The following CUX1 variants were observed in gnomAD, a reference collection of about 807,000 sequenced individuals.
CUX1 encodes the protein protein CASP.
CUX1 carries 31 observed loss-of-function variants against 158.8 expected under a neutral mutation model. That is an observed-to-expected ratio of 0.20 (90% CI 0.15 to 0.26). The LOEUF (loss-of-function observed/expected upper bound fraction) is 0.26. Among genes scored for constraint, CUX1 ranks in the 10% least tolerant of loss-of-function variants. The pLI, the probability that CUX1 is intolerant of heterozygous loss-of-function variation, is 1.00. For synonymous variants in CUX1, 879 were observed against 862.1 expected (o/e 1.02, Z -0.34); for missense variants, 1,589 against 2,014.6 (o/e 0.79, Z 4.04).
intron 1 of CUX1, among the ~76,000 whole-genome samples, chr7:101,851,673 T>C (rs961935778): frequency 6.6e-6 from 1 of 152,140 alleles, no homozygotes; most frequent in Admixed American, 6.5e-5. Context: ...AGAGTTGTCT[T>C]TTTCTTCTTC....
chr7:101,832,085 G>A (rs1794103569), intron 1 of CUX1, among the ~76,000 whole-genome samples: 1 of 152,086 alleles, frequency 6.6e-6, no homozygotes. Flanking sequence ...CAGTTGTTGG[G>A]GTGTGTCTTA....
chr7:102,082,747 C>T (rs1182655548), intron 4 of CUX1, among the ~76,000 whole-genome samples: 2 of 147,030 alleles, frequency 1.4e-5, no homozygotes, highest in African/African-American at 4.9e-5. Flanking sequence ...TCACTCAGCG[C>T]GGTGTTTTGG....
chr7:102,189,258 TCTC>T (rs1331950626), intron 11 of CUX1, among the ~76,000 whole-genome samples: 2 of 151,636 alleles, frequency 1.3e-5, no homozygotes, highest in Non-Finnish European at 2.9e-5. Context: ...CAGGAAAGCC[TCTC>T]CTCCTGTCCT....
At chr7:102,003,295 A>AACACACACACACACACACAC (rs56760446) in intron 2 of CUX1, among the ~76,000 whole-genome samples, 103 of 131,970 alleles carry the variant, frequency 7.8e-4, no homozygotes, top group African/African-American at 2.1e-3. Context: ...CCTGGTGCCG[A>AACACACACACACACACACAC]ACACACACAC....
chr7:102,155,055 C>G (rs1438166538), intron 8 of CUX1, among the ~76,000 whole-genome samples: 1 of 152,158 alleles, frequency 6.6e-6, no homozygotes, highest in African/African-American at 2.4e-5. Flanking sequence ...AAATCTATGA[C>G]ATAGATGAGA....
At chr7:101,884,731 A>T (rs565206517) in intron 1 of CUX1, among the ~76,000 whole-genome samples, 17 of 152,310 alleles carry the variant, frequency 1.1e-4, no homozygotes, top group Admixed American at 9.1e-4. Context: ...TAGAACATTG[A>T]CTTTAGCATA....
chr7:101,818,190 A>G (rs766144441), intron 1 of CUX1, among the ~76,000 whole-genome samples: 2 of 152,262 alleles, frequency 1.3e-5, no homozygotes, highest in Non-Finnish European at 2.9e-5. Flanking sequence ...CAAAGTGTCT[A>G]TTGTGTAAAT....
At chr7:101,847,061 T>C (rs373411377) in intron 1 of CUX1, among the ~76,000 whole-genome samples, 1 of 152,170 alleles carries the variant, frequency 6.6e-6, no homozygotes, top group Non-Finnish European at 1.5e-5. Context: ...GGAGGATCGC[T>C]GGAGCCCAGG....
chr7:102,138,925 C>G (rs1834166813), intron 8 of CUX1, among the ~76,000 whole-genome samples: 1 of 152,100 alleles, frequency 6.6e-6, no homozygotes, highest in African/African-American at 2.4e-5. Flanking sequence ...ATCCAGCTGC[C>G]ATTTTAGCTT....
At chr7:102,059,345 T>C (rs1319307407) in intron 3 of CUX1, among the ~76,000 whole-genome samples, 2 of 152,080 alleles carry the variant, frequency 1.3e-5, no homozygotes, top group Admixed American at 1.3e-4. Context: ...GAAACTTTAC[T>C]AAGTGGGACC....
chr7:102,117,177 C>T (rs1395695980), intron 8 of CUX1, among the ~76,000 whole-genome samples: 3 of 152,054 alleles, frequency 2.0e-5, no homozygotes, highest in African/African-American at 7.2e-5. Flanking sequence ...GCAGGTGGAT[C>T]ACCTGAGGTC....
At chr7:102,160,736 G>A (rs2131592524) in intron 9 of CUX1, among the ~76,000 whole-genome samples, 1 of 152,254 alleles carries the variant, frequency 6.6e-6, no homozygotes, top group Non-Finnish European at 1.5e-5. Context: ...ATCTAGAGGA[G>A]CCAACTTCAG....
chr7:101,913,134 G>A, intron 1 of CUX1: 1 of 221,064 alleles, frequency 4.5e-6, no homozygotes, highest in Non-Finnish European at 9.5e-6. Flanking sequence ...TGGTTTTTAT[G>A]TGTGTGTGTG....
Position 101,886,131 on chromosome 7 carries a change from G to A in CUX1, c.31-29984G>A, listed in dbSNP as rs139852960. 2.2e-3 allele frequency among the ~76,000 whole-genome samples: 333 copies of A among 152,272 alleles called. 2 individuals carry two copies. Among genetic ancestry groups the A allele is most frequent in the African/African-American group, 7.7e-3 (320 of 41,544 alleles). ...CCTGAATGTGGGTGGTTACCCTTTTGGGGTGCTGTCGGTGCCTCTTAGATG... is the reference window on the plus strand; with the variant it reads ...CCTGAATGTGGGTGGTTACCCTTTTAGGGTGCTGTCGGTGCCTCTTAGATG... On this transcript the variant is annotated intron_variant, in intron 1 of 23. Transcript: ENST00000292535.
At chr7:101,849,856 CTT>C (rs964031138) in intron 1 of CUX1, among the ~76,000 whole-genome samples, 82 of 150,572 alleles carry the variant, frequency 5.4e-4, no homozygotes, top group African/African-American at 1.9e-3. Context: ...TACTTTTTGA[CTT>C]TTTAATAATA....
chr7:101,882,444 G>A (rs1799813169), intron 1 of CUX1, among the ~76,000 whole-genome samples: 2 of 152,036 alleles, frequency 1.3e-5, no homozygotes, highest in Admixed American at 1.3e-4. Context: ...GAAAATTTGT[G>A]ATGACGATCA....
intron 8 of CUX1, among the ~76,000 whole-genome samples, chr7:102,124,474 A>T (rs995303336): frequency 6.6e-6 from 1 of 152,250 alleles, no homozygotes; most frequent in African/African-American, 2.4e-5. Flanking sequence ...GAAAATGTGT[A>T]GATCCACAGT....
intron 2 of CUX1, among the ~76,000 whole-genome samples, chr7:101,943,279 G>T (rs1382518522): frequency 6.6e-6 from 1 of 151,550 alleles, no homozygotes; most frequent in Admixed American, 6.6e-5. Flanking sequence ...GCTAATTTTT[G>T]TATTTTTAGT....
At chr7:102,084,986 T>TCTG (rs1827817726) in intron 4 of CUX1, among the ~76,000 whole-genome samples, 1 of 150,252 alleles carries the variant, frequency 6.7e-6, no homozygotes, top group South Asian at 2.1e-4. Flanking sequence ...GATAATTAAG[T>TCTG]ATAATATCAA....
Sources: allele counts gnomAD v4.1 joint callset (sites outside exome capture counted in the v4.1 genomes callset), GRCh38; gene constraint gnomAD v4.1.1; transcripts MANE v1.5; gene names NCBI Gene and HGNC (gene_info 2026-07-23, HGNC 2026-07-21).